The following ZFAND5 variants were observed in gnomAD, a reference collection of about 807,000 sequenced individuals.
ZFAND5 encodes zinc finger AN1-type containing 5, also known as AN1-type zinc finger protein 5.
Under a neutral mutation model 23.6 loss-of-function variants are expected in ZFAND5, and 4 were observed. The observed-to-expected ratio is 0.17, with a 90% CI of 0.08 to 0.39. The LOEUF is 0.39. Among genes scored for constraint, ZFAND5 ranks in the 10% least tolerant of loss-of-function variants. The probability of loss-of-function intolerance (pLI) is 1.00; values close to 1 mark genes in which losing one functional copy is unlikely to be tolerated. For synonymous variants in ZFAND5, 68 were observed against 80.6 expected (o/e 0.84, Z 0.84); for missense variants, 161 against 253.7 (o/e 0.63, Z 2.48).
chr9:72,364,560 C>G, intron 1 of ZFAND5, 136 bp downstream of exon 1: 1 of 1,266,954 alleles, frequency 7.9e-7, no homozygotes, highest in Non-Finnish European at 1.0e-6. Context: ...GGCGGGCGGG[C>G]TCCCCTCCCC....
rs981053395 is a variant in ZFAND5 at position 72,353,463 on chromosome 9, G to C, written c.*2490C>G. ...GGCCGAGGCGGGCAGCTCACCTGAG[G>C]TCAGGAGTTCAAGACCAGCCTGACC... On this transcript the variant is annotated 3_prime_UTR_variant, in exon 7 of 7. Transcript: ENST00000376962. 2 of 152,232 alleles carry C rather than the reference G, an allele frequency of 1.3e-5. No individual in the cohort carries two copies. Among genetic ancestry groups the C allele is most frequent in the Admixed American group, 6.5e-5 (1 of 15,270 alleles). The allele number at this position is 152,232 out of a possible 1,614,324, so 9.4% of individuals were successfully genotyped here. A position where few individuals can be genotyped will look rare whatever the true frequency, so the allele number is the denominator to read the frequency against.
intron 2 of ZFAND5, among the ~76,000 whole-genome samples, chr9:72,362,160 G>C (rs1431916630): frequency 1.3e-5 from 2 of 152,158 alleles, no homozygotes; most frequent in African/African-American, 2.4e-5. Context: ...TTTAACAACA[G>C]TATTAATTTA....
At chr9:72,356,654 A>AG (rs1841952173) in intron 6 of ZFAND5, among the ~76,000 whole-genome samples, 1 of 152,322 alleles carries the variant, frequency 6.6e-6, no homozygotes, top group Admixed American at 6.5e-5. Context: ...GCTTACTGTT[A>AG]GTTCAGTAAC....
rs775426032 is a variant in ZFAND5, at chr9:72,359,440, C to T, written c.345G>A (p.Pro115=). The T allele has an allele frequency of 3.8e-5, 62 of 1,613,042 alleles. No homozygotes were observed. Among genetic ancestry groups the T allele is most frequent in the Non-Finnish European group, 4.5e-5 (53 of 1,179,576 alleles). ...SISREDKITT[P]KTEVSEPVVT... ...TACCTGGCTCTGACACCTCTGTTTT[C>T]GGGGTAGTTATTTTGTCCTCTCTTG... Residue 115 remains proline (P), a synonymous_variant, in exon 5 of 7, where the codon CCG becomes CCA. Coordinates refer to ENST00000376962, the MANE Select transcript of ZFAND5 (RefSeq NM_001102420.3).
chr9:72,363,764 G>T (rs1280982817), intron 1 of ZFAND5, 158 bp from the exon 2 acceptor site: 1 of 491,422 alleles, frequency 2.0e-6, no homozygotes, highest in Non-Finnish European at 2.6e-6. Context: ...TAAAAATAAG[G>T]AATAAAATAC....
chr9:72,356,989 T>C lies in ZFAND5; in HGVS notation c.435A>G (p.Glu145=). 1.2e-6 allele frequency: 2 copies of C among 1,613,726 alleles called. No individual in the cohort carries two copies. Among genetic ancestry groups the C allele is most frequent in the East Asian group, 2.2e-5 (1 of 44,866 alleles). ...ATCTGTTTTTCTTTGGTTTGGGCAA[T>C]TCAGGAGCTTTTTCTTCACTCTGAG... The part of the protein sequence containing the change: ...STSQSEEKAP[E]LPKPKKNRCF... The change falls in exon 6 of 7, where the codon GAA becomes GAG. Residue 145 remains glutamate, a synonymous_variant. Coordinates refer to ENST00000376962, the MANE Select transcript of ZFAND5 (RefSeq NM_001102420.3).
chr9:72,363,486 G>A lies in ZFAND5; in HGVS notation c.-26C>T, dbSNP rs961909899. The A allele has an allele frequency of 3.6e-6, 1 of 275,438 alleles. No individual in the cohort carries two copies. Among genetic ancestry groups the A allele is most frequent in the Non-Finnish European group, 5.5e-6 (1 of 180,832 alleles). 17.1% of individuals were successfully genotyped at this position (275,438 alleles called of 1,614,324 possible). On this transcript the variant is annotated 5_prime_UTR_variant, in exon 2 of 7. Coordinates refer to ENST00000376962, the MANE Select transcript of ZFAND5 (RefSeq NM_001102420.3). The stretch of plus-strand genomic sequence containing the variant: ...CCCACTCACCTGGGAATGGAGACCT[G>A]AGTTCAAGTCTCTAGTCTGCCACTA...
Position 72,359,403 on chromosome 9 carries a change from A to G in ZFAND5, c.367+15T>C, listed in dbSNP as rs375153584. 8.1e-5 allele frequency: 130 copies of G among 1,610,028 alleles called. 1 individual carries two copies. The highest frequency in any genetic ancestry group is 1.1e-4 in the Non-Finnish European group (126 of 1,178,416). ...TCAAATTCAGAACTGAACAAGTATT[A>G]AATGAAAAACATACCTGGCTCTGAC... is the stretch of plus-strand genomic sequence containing the variant. On this transcript the variant is annotated intron_variant, in intron 5 of 6. Transcript: ENST00000376962.
chr9:72,353,058 G>A lies in ZFAND5; in HGVS notation c.*2895C>T, dbSNP rs968323930. ...TACAGATCAGGCACACTGAAGATGA[G>A]GTTTTCAAAAAGGACTCACCCATTT... is the stretch of plus-strand genomic sequence containing the variant. On this transcript the variant is annotated 3_prime_UTR_variant, in exon 7 of 7. Coordinates refer to ENST00000376962, the MANE Select transcript of ZFAND5 (RefSeq NM_001102420.3). The A allele has an allele frequency of 1.3e-5, 2 of 152,184 alleles. No individual in the cohort carries two copies. Among genetic ancestry groups the A allele is most frequent in the East Asian group, 1.9e-4 (1 of 5,196 alleles). The allele number at this position is 152,184 out of a possible 1,614,324, so 9.4% of individuals were successfully genotyped here. A position where few individuals can be genotyped will look rare whatever the true frequency, so the allele number is the denominator to read the frequency against.
intron 6 of ZFAND5, 59 bp downstream of exon 6, chr9:72,356,872 C>T: frequency 6.3e-7 from 1 of 1,594,682 alleles, no homozygotes; most frequent in Non-Finnish European, 8.5e-7. Context: ...TAGGGAGTGA[C>T]CAAAAGCTCC....
chr9:72,353,388 CTGAT>C lies in ZFAND5; in HGVS notation c.*2561_*2564del, dbSNP rs1587863843. The C allele has an allele frequency of 6.6e-6, 1 of 152,082 alleles. No individual in the cohort carries two copies. Among genetic ancestry groups the C allele is most frequent in the East Asian group, 1.9e-4 (1 of 5,172 alleles). The allele number at this position is 152,082 out of a possible 1,614,324, so 9.4% of individuals were successfully genotyped here. A position where few individuals can be genotyped will look rare whatever the true frequency, so the allele number is the denominator to read the frequency against. The stretch of plus-strand genomic sequence containing the variant: ...ACAAACAAAAAAAAAACAAAAAAAA[CTGAT>C]TGGCCGGGTGCGGTGCCTCACGCCT... On this transcript the variant is annotated 3_prime_UTR_variant, in exon 7 of 7. Transcript: ENST00000376962.
At chr9:72,360,472 TG>T (rs1688236286) in intron 3 of ZFAND5, 155 bp downstream of exon 3, 2 of 1,016,986 alleles carry the variant, frequency 2.0e-6, no homozygotes, top group Non-Finnish European at 2.9e-6. Context: ...CATTCATTCC[TG>T]ATCAGTCATG....
At chr9:72,361,127 T>A (rs987840589) in intron 2 of ZFAND5, among the ~76,000 whole-genome samples, 3 of 152,256 alleles carry the variant, frequency 2.0e-5, no homozygotes, top group African/African-American at 7.2e-5. Flanking sequence ...TTCACTCTGC[T>A]GCACTACAGG....
chr9:72,359,280 T>G, intron 5 of ZFAND5, 138 bp downstream of exon 5: 1 of 703,194 alleles, frequency 1.4e-6, no homozygotes, highest in Non-Finnish European at 2.4e-6. Flanking sequence ...CTTTTAAAGA[T>G]AGTAGTTCTT....
chr9:72,356,166 G>A (rs1442328474), intron 6 of ZFAND5, 65 bp from the exon 7 acceptor site: 1 of 1,564,260 alleles, frequency 6.4e-7, no homozygotes, highest in Non-Finnish European at 8.6e-7. Context: ...AAAAGCCTTA[G>A]TCACTATAGA....
intron 3 of ZFAND5, 138 bp downstream of exon 3, chr9:72,360,490 A>T: frequency 8.7e-7 from 1 of 1,153,920 alleles, no homozygotes; most frequent in Non-Finnish European, 1.2e-6. Context: ...CATGTCAAGC[A>T]CTTGGGCTGT....
intron 6 of ZFAND5, 131 bp from the exon 7 acceptor site, chr9:72,356,232 C>T (rs1237477542): frequency 1.4e-5 from 16 of 1,127,958 alleles, no homozygotes; most frequent in Non-Finnish European, 1.7e-5. Context: ...CTCTTTTCTT[C>T]CACTTCCTGG....
At position 72,363,471 on chromosome 9, in the gene ZFAND5, TG is replaced by T; in HGVS notation, c.-12del. Reference sequence around the variant, plus strand: ...GAGATGGCATGAATTCCCACTCACCTGGGAATGGAGACCTGAGTTCAAGTCT... The same window carrying T: ...GAGATGGCATGAATTCCCACTCACCTGGAATGGAGACCTGAGTTCAAGTCT... On this transcript the variant is annotated splice_region_variant and 5_prime_UTR_variant, in exon 2 of 7. Transcript: ENST00000376962. 1 of 204,926 alleles carries T rather than the reference TG, an allele frequency of 4.9e-6. No homozygotes were observed. Among genetic ancestry groups the T allele is most frequent in the Non-Finnish European group, 8.6e-6 (1 of 116,042 alleles). 12.7% of individuals were successfully genotyped at this position (204,926 alleles called of 1,614,324 possible).
intron 5 of ZFAND5, 147 bp from the exon 6 acceptor site, chr9:72,357,203 T>C (rs1235076435): frequency 4.0e-6 from 4 of 996,222 alleles, no homozygotes; most frequent in Non-Finnish European, 5.6e-6. Flanking sequence ...AACAGAATCT[T>C]CCATTTTAAC....
Sources: allele counts gnomAD v4.1 joint callset (sites outside exome capture counted in the v4.1 genomes callset), GRCh38; gene constraint gnomAD v4.1.1; transcripts MANE v1.5; gene names NCBI Gene and HGNC (gene_info 2026-07-23, HGNC 2026-07-21).